The following SIPA1L3 variants were observed in gnomAD, a reference collection of about 807,000 sequenced individuals.
SIPA1L3 encodes the protein signal-induced proliferation-associated 1-like protein 3.
In SIPA1L3, 59 loss-of-function variants were observed where a neutral mutation model predicts 150.1. That is an observed-to-expected ratio of 0.39 (90% CI 0.32 to 0.49). The LOEUF (loss-of-function observed/expected upper bound fraction) is 0.49, where lower values mean the gene tolerates loss of function less well. SIPA1L3 is among the 20% of genes least tolerant of loss of function. The probability of loss-of-function intolerance (pLI) is 0.86; values close to 1 mark genes in which losing one functional copy is unlikely to be tolerated. For synonymous variants in SIPA1L3, 1,070 were observed against 1,077.6 expected (o/e 0.99, Z 0.14); for missense variants, 2,211 against 2,489.5 (o/e 0.89, Z 2.38).
chr19:38,032,818 A>T (rs1374611388), intron 2 of SIPA1L3, among the ~76,000 whole-genome samples: 1 of 151,232 alleles, frequency 6.6e-6, no homozygotes. Context: ...GCGCCACTGC[A>T]CTCCAGCCTG....
At chr19:37,934,083 G>A (rs185533646) in intron 1 of SIPA1L3, among the ~76,000 whole-genome samples, 25 of 152,158 alleles carry the variant, frequency 1.6e-4, no homozygotes, top group South Asian at 6.2e-4. Flanking sequence ...AATGGTGAGC[G>A]CGAAGAATCT....
intron 9 of SIPA1L3, among the ~76,000 whole-genome samples, chr19:38,122,333 C>T (rs963789331): frequency 3.3e-5 from 5 of 152,148 alleles, no homozygotes; most frequent in South Asian, 2.1e-4. Flanking sequence ...AAAAAAAGGT[C>T]GACTCCATCC....
chr19:38,170,588 G>A (rs332856), intron 15 of SIPA1L3, among the ~76,000 whole-genome samples: 51,320 of 152,134 alleles, frequency 0.34, 10,219 homozygotes, highest in Middle Eastern at 0.52. Context: ...AGCGCCTGCT[G>A]TGCACCGGGG....
chr19:38,206,208 GAGATCTTCTGCAGGGAGAAGA>G lies in SIPA1L3; in HGVS notation c.5317_5337del (p.Ile1773_Lys1779del). 6.4e-7 allele frequency: 1 copy of G among 1,562,934 alleles called. No homozygotes were observed. The highest frequency in any genetic ancestry group is 8.7e-7 in the Non-Finnish European group (1 of 1,153,514). On this transcript the variant is annotated inframe_deletion, in exon 22 of 22. Coordinates refer to ENST00000222345, the MANE Select transcript of SIPA1L3 (RefSeq NM_015073.3). ...CAGCGAGCAGCTGCGCAAGTTTGCG[GAGATCTTCTGCAGGGAGAAGA>G]AGGAGCTCTGAGGTGGGAGGCCGCC...
chr19:37,934,573 A>G (rs190364653), intron 1 of SIPA1L3, among the ~76,000 whole-genome samples: 1 of 152,314 alleles, frequency 6.6e-6, no homozygotes, highest in East Asian at 1.9e-4. Context: ...TAGTGCATAG[A>G]TAGCAAATTA....
chr19:37,928,782 A>G (rs1336643504), intron 1 of SIPA1L3, among the ~76,000 whole-genome samples: 2 of 152,188 alleles, frequency 1.3e-5, no homozygotes, highest in Non-Finnish European at 2.9e-5. Flanking sequence ...CCCAAATGAA[A>G]TTGGCCTGAA....
At chr19:38,074,109 G>A (rs1430849212) in intron 2 of SIPA1L3, among the ~76,000 whole-genome samples, 1 of 152,226 alleles carries the variant, frequency 6.6e-6, no homozygotes, top group South Asian at 2.1e-4. Flanking sequence ...TGCTTTTAGG[G>A]AGGAGGAGCT....
chr19:38,123,517 A>G (rs1203732925), intron 9 of SIPA1L3, among the ~76,000 whole-genome samples: 3 of 29,258 alleles, frequency 1.0e-4, no homozygotes, highest in Non-Finnish European at 1.7e-4. Flanking sequence ...CACATCTTGC[A>G]CCGCCCTTAA....
intron 1 of SIPA1L3, among the ~76,000 whole-genome samples, chr19:37,916,359 G>A (rs2046414708): frequency 6.6e-6 from 1 of 151,830 alleles, no homozygotes; most frequent in African/African-American, 2.4e-5. Flanking sequence ...AATTAGCCAG[G>A]CTTGGTGATG....
chr19:37,998,530 C>G (rs1967699300), intron 1 of SIPA1L3, among the ~76,000 whole-genome samples: 1 of 152,124 alleles, frequency 6.6e-6, no homozygotes, highest in Non-Finnish European at 1.5e-5. Context: ...ATGTGTATTC[C>G]CGGCACTTTG....
At chr19:37,948,336 T>C (rs1027440587) in intron 1 of SIPA1L3, among the ~76,000 whole-genome samples, 7 of 152,082 alleles carry the variant, frequency 4.6e-5, no homozygotes, top group African/African-American at 1.4e-4. Flanking sequence ...CATGGTGGCA[T>C]GCACCTGTGG....
chr19:38,159,911 C>T (rs1035824998), intron 13 of SIPA1L3, among the ~76,000 whole-genome samples: 2 of 152,192 alleles, frequency 1.3e-5, no homozygotes, highest in Admixed American at 6.5e-5. Context: ...AAATCACCGG[C>T]GTTCAGCTCC....
rs4007702 is a variant in SIPA1L3, at chr19:37,943,012, TTCTCTC to T, written c.-379+35672_-379+35677del. Reference sequence around the variant, plus strand: ...GATGCGTGAGCCACACCCAGCCTCTTTCTCTCTCTCTCTCTCTCTCTCTTTTTTTTT... The same window carrying T: ...GATGCGTGAGCCACACCCAGCCTCTTTCTCTCTCTCTCTCTCTTTTTTTTT... On this transcript the variant is annotated intron_variant, in intron 1 of 21. Coordinates refer to ENST00000222345, the MANE Select transcript of SIPA1L3 (RefSeq NM_015073.3). Among the ~76,000 whole-genome samples the T allele has an allele frequency of 9.2e-4, 94 of 102,010 alleles. 2 individuals carry two copies. The highest frequency in any genetic ancestry group is 2.3e-3 in the East Asian group (7 of 3,054). The allele number at this position is 102,010 out of a possible 152,430, so 66.9% of individuals were successfully genotyped here.
At chr19:38,061,720 C>T (rs534565250) in intron 2 of SIPA1L3, among the ~76,000 whole-genome samples, 6 of 151,070 alleles carry the variant, frequency 4.0e-5, no homozygotes, top group East Asian at 1.9e-4. Flanking sequence ...AGAGATGGGG[C>T]GGAGATGAAG....
chr19:38,122,805 T>C (rs2145902310), intron 9 of SIPA1L3, among the ~76,000 whole-genome samples: 1 of 152,324 alleles, frequency 6.6e-6, no homozygotes, highest in South Asian at 2.1e-4. Flanking sequence ...GGAACACTTC[T>C]CTGATCACCA....
intron 1 of SIPA1L3, among the ~76,000 whole-genome samples, chr19:38,004,653 CCTGTCTGATTGGACTAGCACTGG>C (rs1429303932): frequency 6.6e-6 from 1 of 152,182 alleles, no homozygotes; most frequent in African/African-American, 2.4e-5. Context: ...CCTCAGAGCT[CCTGTCTGATTGGACTAGCACTGG>C]TCATGTGATC....
rs765627247 is a variant in SIPA1L3, at chr19:38,201,872, C to T, written c.4995C>T (p.Ala1665=). Residue 1665 remains alanine (A), a synonymous_variant, in exon 20 of 22, where the codon GCC becomes GCT. Coordinates refer to ENST00000222345, the MANE Select transcript of SIPA1L3 (RefSeq NM_015073.3). ...NAAKAYEVQR[A]VSLFSLNDPA... is the part of the protein sequence containing the mutation. ...CTCCCTCCCTGGCAGTGCAAAGAGC[C>T]GTCTCACTCTTCTCTCTGAACGACC... 6.2e-6 allele frequency: 10 copies of T among 1,610,714 alleles called. No homozygotes were observed. The highest frequency in any genetic ancestry group is 5.5e-5 in the South Asian group (5 of 90,580).
intron 1 of SIPA1L3, among the ~76,000 whole-genome samples, chr19:38,015,112 G>T (rs1258378230): frequency 6.6e-6 from 1 of 152,122 alleles, no homozygotes; most frequent in Non-Finnish European, 1.5e-5. Flanking sequence ...ACCACGCCCA[G>T]CTCCATGCCA....
chr19:38,096,149 G>T (rs12974504), intron 4 of SIPA1L3, among the ~76,000 whole-genome samples: 46,937 of 152,046 alleles, frequency 0.31, 8,159 homozygotes, highest in East Asian at 0.61. Context: ...AGGGTGGGTT[G>T]TGTGCTTAGA....
Sources: allele counts gnomAD v4.1 joint callset (sites outside exome capture counted in the v4.1 genomes callset), GRCh38; gene constraint gnomAD v4.1.1; transcripts MANE v1.5; gene names NCBI Gene and HGNC (gene_info 2026-07-23, HGNC 2026-07-21).